ANO7: variants seen among roughly 807,000 people sequenced by gnomAD.
ANO7 encodes anoctamin-7.
Under a neutral mutation model 115.8 loss-of-function variants are expected in ANO7, and 114 were observed. The observed-to-expected ratio is 0.98, with a 90% CI of 0.85 to 1.15. The LOEUF (loss-of-function observed/expected upper bound fraction) is 1.15. Among genes scored for constraint, ANO7 ranks in the 50% most tolerant of loss-of-function variants. The probability of loss-of-function intolerance (pLI) is 0.00; values close to 1 mark genes in which losing one functional copy is unlikely to be tolerated. For synonymous variants in ANO7, 550 were observed against 498.2 expected (o/e 1.10, Z -1.38); for missense variants, 1,302 against 1,201.2 (o/e 1.08, Z -1.24).
Position 241,218,345 on chromosome 2 carries a change from C to G in ANO7, c.2285C>G (p.Pro762Arg), listed in dbSNP as rs763317329. 11 of 1,484,628 alleles carry G rather than the reference C, an allele frequency of 7.4e-6. No individual in the cohort carries two copies. The highest frequency in any genetic ancestry group is 2.9e-5 in the East Asian group (1 of 34,018). The allele number at this position is 1,484,628 out of a possible 1,614,324, so 92.0% of individuals were successfully genotyped here. A position where few individuals can be genotyped will look rare whatever the true frequency, so the allele number is the denominator to read the frequency against. Residue 762 changes from proline (P) to arginine (R), a missense_variant, in exon 21 of 25, where the codon CCG (proline) becomes CGG (arginine). Coordinates refer to ENST00000674324, the MANE Select transcript of ANO7 (RefSeq NM_001370694.2). ...GFLNFTLARA[P>R]SSFAAAHNRT... The stretch of plus-strand genomic sequence containing the variant: ...CTCAACTTCACGCTGGCGCGAGCCC[C>G]GTCCTCCTTCGCCGCCGCGCACAAC...
At position 241,203,509 on chromosome 2, in the gene ANO7, C is replaced by T. The variant is rs527321479; in HGVS notation, c.889+11C>T. 7.6e-6 allele frequency: 11 copies of T among 1,455,098 alleles called. No individual in the cohort carries two copies. Among genetic ancestry groups the T allele is most frequent in the Admixed American group, 2.5e-5 (1 of 39,416 alleles). 90.1% of individuals were successfully genotyped at this position (1,455,098 alleles called of 1,614,324 possible). On this transcript the variant is annotated intron_variant, in intron 9 of 24. Coordinates refer to ENST00000674324, the MANE Select transcript of ANO7 (RefSeq NM_001370694.2). This position sits in a 1 kb window ranked among gnomAD's most constrained non-coding sequence, Gnocchi z 4.8. ...ACTTCGCCTGGCTCGGTGAGTCCCCCCCGCTGCCCCCCAGACCACCTGGGC... is the reference window on the plus strand; with the variant it reads ...ACTTCGCCTGGCTCGGTGAGTCCCCTCCGCTGCCCCCCAGACCACCTGGGC...
At chr2:241,191,361 C>A in intron 3 of ANO7, 110 bp downstream of exon 3, 1 of 1,371,614 alleles carries the variant, frequency 7.3e-7, no homozygotes, top group Non-Finnish European at 1.0e-6. Flanking sequence ...AGTAGCCACT[C>A]TGGGGCCAGT....
chr2:241,231,002 G>C, the ANO7 span: 1 of 1,472,238 alleles, frequency 6.8e-7, no homozygotes, highest in Admixed American at 1.7e-5. Context: ...CCCGTCAGGG[G>C]CAAGAGCCGG....
downstream of ANO7, chr2:241,229,113 G>A (rs562487526): frequency 1.7e-4 from 28 of 164,608 alleles, no homozygotes; most frequent in Non-Finnish European, 3.3e-4. Flanking sequence ...GTGCTGAGGC[G>A]CTCTGGCAGC....
intron 21 of ANO7, among the ~76,000 whole-genome samples, chr2:241,218,718 C>G (rs1375747440): frequency 6.6e-6 from 1 of 152,214 alleles, no homozygotes; most frequent in East Asian, 1.9e-4. Flanking sequence ...CGTCGGCAGA[C>G]TCGTGTCTTC....
intron 17 of ANO7, among the ~76,000 whole-genome samples, chr2:241,214,004 C>T (rs914789364): frequency 6.6e-6 from 1 of 152,144 alleles, no homozygotes; most frequent in African/African-American, 2.4e-5. Flanking sequence ...AGGGAGTTTT[C>T]GGCCAGGCGT....
chr2:241,195,037 A>G (rs1252779258), intron 3 of ANO7, among the ~76,000 whole-genome samples: 1 of 152,182 alleles, frequency 6.6e-6, no homozygotes, highest in East Asian at 1.9e-4. Context: ...CTGTGTATGA[A>G]TAGCTTGGTG....
intron 9 of ANO7, 104 bp from the exon 10 acceptor site, chr2:241,204,761 G>C (rs1364676050): frequency 1.3e-6 from 1 of 799,482 alleles, no homozygotes; most frequent in Non-Finnish European, 2.0e-6. Context: ...CCCCCAAGCT[G>C]GGCTGAGGGT....
the ANO7 span, chr2:241,239,564 G>C: frequency 1.6e-5 from 25 of 1,536,884 alleles, no homozygotes; most frequent in African/African-American, 9.5e-5. This position sits in a 1 kb window ranked among gnomAD's most constrained non-coding sequence, Gnocchi z 4.6. Flanking sequence ...GTGGCCACTG[G>C]GGGGTGAGAA....
the ANO7 span, chr2:241,238,733 T>C: frequency 6.3e-7 from 1 of 1,581,822 alleles, no homozygotes; most frequent in Non-Finnish European, 8.6e-7. This position sits in a 1 kb window ranked among gnomAD's most constrained non-coding sequence, Gnocchi z 4.9. Flanking sequence ...TTGGGGCCCA[T>C]GACAGATCGA....
chr2:241,189,697 T>G (rs1036405953), intron 1 of ANO7, among the ~76,000 whole-genome samples: 3 of 151,922 alleles, frequency 2.0e-5, no homozygotes, highest in Admixed American at 6.5e-5. Flanking sequence ...GAGGGAGAGG[T>G]GTCTGTACTC....
In ANO7 at chr2:241,209,534, A is replaced by G. The variant is rs1461757631; in HGVS notation, c.1258A>G (p.Met420Val). 1.9e-6 allele frequency: 3 copies of G among 1,595,588 alleles called. No individual in the cohort carries two copies. The highest frequency in any genetic ancestry group is 2.6e-6 in the Non-Finnish European group (3 of 1,171,294). ...PRPQFAASAP[M>V]TAPNPITGED... The stretch of plus-strand genomic sequence containing the variant: ...GCCCCAGTTTGCCGCCTCAGCCCCC[A>G]TGACAGCCCCGAACCCCATCACGGG... Residue 420 changes from methionine to valine, a missense_variant, in exon 13 of 25, where the codon ATG (methionine) becomes GTG (valine). Coordinates refer to ENST00000674324, the MANE Select transcript of ANO7 (RefSeq NM_001370694.2).
chr2:241,214,776 C>A, intron 17 of ANO7, 29 bp from the exon 18 acceptor site: 4 of 1,599,992 alleles, frequency 2.5e-6, no homozygotes, highest in Non-Finnish European at 3.4e-6. Flanking sequence ...GTCCCCCTCT[C>A]CCAGCTAACC....
intron 16 of ANO7, 40 bp downstream of exon 16, chr2:241,212,245 G>A: frequency 1.3e-6 from 2 of 1,532,282 alleles, no homozygotes; most frequent in Non-Finnish European, 1.8e-6. Flanking sequence ...GCTTGTCCCG[G>A]CTTAGTTCTG....
chr2:241,232,833 C>T, the ANO7 span, among the ~76,000 whole-genome samples: 1 of 150,566 alleles, frequency 6.6e-6, no homozygotes, highest in South Asian at 2.1e-4. Context: ...AAGAACTAAA[C>T]TCTCAAGATC....
At chr2:241,197,375 C>T (rs1000468774) in intron 4 of ANO7, among the ~76,000 whole-genome samples, 5 of 152,132 alleles carry the variant, frequency 3.3e-5, no homozygotes, top group Admixed American at 2.6e-4. Context: ...GCTGGGATTA[C>T]AGGCGTGAGC....
chr2:241,240,273 A>G, the ANO7 span: 1 of 708,348 alleles, frequency 1.4e-6, no homozygotes, highest in Non-Finnish European at 2.5e-6. The surrounding 1 kb of genome is among the most constrained non-coding windows in gnomAD (Gnocchi z 5.5). Flanking sequence ...AAATGGGGCT[A>G]GCACACCTCA....
At chr2:241,220,927 C>T (rs574297749) in intron 21 of ANO7, among the ~76,000 whole-genome samples, 292 of 141,108 alleles carry the variant, frequency 2.1e-3, no homozygotes, top group Non-Finnish European at 2.9e-3. Context: ...GCCGAGATGG[C>T]GCCACTGCAC....
chr2:241,237,759 A>T, the ANO7 span, among the ~76,000 whole-genome samples: 1 of 152,246 alleles, frequency 6.6e-6, no homozygotes, highest in East Asian at 1.9e-4. Flanking sequence ...TGAGAAAAGA[A>T]ACTGGTGCCA....
Sources: allele counts gnomAD v4.1 joint callset (sites outside exome capture counted in the v4.1 genomes callset), GRCh38; gene constraint gnomAD v4.1.1; non-coding constraint Gnocchi (gnomAD v3.1); transcripts MANE v1.5; gene names NCBI Gene and HGNC (gene_info 2026-07-23, HGNC 2026-07-21).